SOCS5: variants seen among roughly 807,000 people sequenced by gnomAD.
The protein encoded by SOCS5 is CIS-6.
A neutral mutation model predicts 42.8 loss-of-function variants in SOCS5; 32 were observed. The ratio of observed to expected loss-of-function variants is 0.75; its 90% CI spans 0.56 to 1.01. The LOEUF is 1.01. Among genes scored for constraint, SOCS5 ranks in the 50% least tolerant of loss-of-function variants. The pLI is 0.00. For missense variants in SOCS5, 627 were observed against 653.0 expected (o/e 0.96, Z 0.43); for synonymous variants, 283 against 229.6 (o/e 1.23, Z -2.10).
chr2:46,754,701 T>C (rs1673696492), intron 1 of SOCS5, among the ~76,000 whole-genome samples: 1 of 152,182 alleles, frequency 6.6e-6, no homozygotes, highest in Non-Finnish European at 1.5e-5. Context: ...AAAATAGCAA[T>C]TTTATATGGT....
At chr2:46,753,887 A>G (rs575635630) in intron 1 of SOCS5, among the ~76,000 whole-genome samples, 20 of 152,260 alleles carry the variant, frequency 1.3e-4, no homozygotes, top group African/African-American at 4.6e-4. Context: ...ATCCTAATGC[A>G]TTATAATTAA....
chr2:46,732,459 G>T (rs1399296325), intron 1 of SOCS5, among the ~76,000 whole-genome samples: 1 of 152,186 alleles, frequency 6.6e-6, no homozygotes, highest in Non-Finnish European at 1.5e-5. Context: ...GAAGCCTGGT[G>T]TCTCCAGAAA....
chr2:46,720,134 T>C (rs924519413), intron 1 of SOCS5, among the ~76,000 whole-genome samples: 1 of 152,188 alleles, frequency 6.6e-6, no homozygotes, highest in Non-Finnish European at 1.5e-5. Flanking sequence ...AAAACTGTGA[T>C]AAAAACTTGT....
At chr2:46,741,174 G>A (rs1289164523) in intron 1 of SOCS5, among the ~76,000 whole-genome samples, 2 of 151,950 alleles carry the variant, frequency 1.3e-5, no homozygotes, top group Non-Finnish European at 2.9e-5. Flanking sequence ...CATTTCTTCT[G>A]CATTTTGCAT....
chr2:46,703,000 T>G (rs561900728), intron 1 of SOCS5, among the ~76,000 whole-genome samples: 3 of 152,346 alleles, frequency 2.0e-5, no homozygotes, highest in Admixed American at 6.5e-5. Flanking sequence ...ATCTTTGCCT[T>G]CTGTCACAAT....
intron 1 of SOCS5, among the ~76,000 whole-genome samples, chr2:46,730,323 A>G (rs999316923): frequency 1.3e-4 from 20 of 152,172 alleles, no homozygotes; most frequent in African/African-American, 4.6e-4. Flanking sequence ...TAGGTTGGCC[A>G]GGCATGGTGG....
chr2:46,726,386 T>C (rs1318120956), intron 1 of SOCS5, among the ~76,000 whole-genome samples: 3 of 152,192 alleles, frequency 2.0e-5, no homozygotes, highest in Non-Finnish European at 4.4e-5. Context: ...CATGAGCCAC[T>C]GTGCCTGGCC....
At chr2:46,749,754 A>G (rs1426158263) in intron 1 of SOCS5, among the ~76,000 whole-genome samples, 1 of 152,136 alleles carries the variant, frequency 6.6e-6, no homozygotes, top group East Asian at 1.9e-4. Context: ...TGAGCTGTAG[A>G]GTCAATGGCT....
intron 1 of SOCS5, among the ~76,000 whole-genome samples, chr2:46,747,216 A>C (rs1673521481): frequency 6.6e-6 from 1 of 152,016 alleles, no homozygotes; most frequent in South Asian, 2.1e-4. Flanking sequence ...ACAGTTGTTC[A>C]TAGTGGTCTC....
chr2:46,741,428 A>G (rs993696778), intron 1 of SOCS5, among the ~76,000 whole-genome samples: 3 of 152,142 alleles, frequency 2.0e-5, no homozygotes, highest in Non-Finnish European at 4.4e-5. Flanking sequence ...TACAAATCCC[A>G]AAGTGTTGGG....
chr2:46,734,470 G>T (rs1673197967), intron 1 of SOCS5, among the ~76,000 whole-genome samples: 1 of 152,124 alleles, frequency 6.6e-6, no homozygotes, highest in Admixed American at 6.5e-5. Context: ...GATGGTTACA[G>T]TTATACAATA....
intron 1 of SOCS5, among the ~76,000 whole-genome samples, chr2:46,737,003 G>T (rs1275137535): frequency 6.6e-6 from 1 of 152,138 alleles, no homozygotes; most frequent in Non-Finnish European, 1.5e-5. Context: ...ATTTAGGGAT[G>T]CTCAACCTGT....
chr2:46,738,035 T>TAA (rs1271931173), intron 1 of SOCS5, among the ~76,000 whole-genome samples: 2 of 152,212 alleles, frequency 1.3e-5, no homozygotes, highest in East Asian at 3.8e-4. Context: ...TAAACCCTTT[T>TAA]AGAGAAATCA....
intron 1 of SOCS5, among the ~76,000 whole-genome samples, chr2:46,711,651 G>A (rs1291543987): frequency 2.0e-5 from 3 of 152,070 alleles, no homozygotes; most frequent in South Asian, 4.1e-4. Context: ...TTCCTCTTAT[G>A]CTAGTGTTTT....
chr2:46,754,932 A>G (rs1191730803), intron 1 of SOCS5, among the ~76,000 whole-genome samples: 1 of 152,200 alleles, frequency 6.6e-6, no homozygotes, highest in Non-Finnish European at 1.5e-5. Flanking sequence ...TTTTCTAAAA[A>G]TTATTGAAAT....
At position 46,746,922 on chromosome 2, in the gene SOCS5, CTTTTTT is replaced by C. The variant is rs11373537; in HGVS notation, c.-12-11581_-12-11576del. 9.0e-4 allele frequency among the ~76,000 whole-genome samples: 64 copies of C among 70,792 alleles called. 1 individual carries two copies. The highest frequency in any genetic ancestry group is 1.3e-3 in the Non-Finnish European group (45 of 35,384). The allele number at this position is 70,792 out of a possible 152,430, so 46.4% of individuals were successfully genotyped here. A position where few individuals can be genotyped will look rare whatever the true frequency, so the allele number is the denominator to read the frequency against. ...TTTTCCAATTTGCATGACTTTATTT[CTTTTTT>C]TTTTTTTTTTTTTTTGCCTTATTGA... On this transcript the variant is annotated intron_variant, in intron 1 of 1. Coordinates refer to ENST00000394861, the MANE Select transcript of SOCS5 (RefSeq NM_144949.3).
chr2:46,703,053 G>A (rs868576585), intron 1 of SOCS5, among the ~76,000 whole-genome samples: 2 of 152,222 alleles, frequency 1.3e-5, no homozygotes, highest in East Asian at 1.9e-4. Context: ...ATTTTAATGA[G>A]TATGTTTTAA....
At chr2:46,738,633 C>G (rs180818980) in intron 1 of SOCS5, among the ~76,000 whole-genome samples, 4 of 152,138 alleles carry the variant, frequency 2.6e-5, no homozygotes, top group Non-Finnish European at 4.4e-5. Flanking sequence ...TTCCCATACA[C>G]ATCCAGTTGT....
chr2:46,717,878 C>T (rs1014178434), intron 1 of SOCS5, among the ~76,000 whole-genome samples: 2 of 152,180 alleles, frequency 1.3e-5, no homozygotes, highest in African/African-American at 2.4e-5. Context: ...TGTTTAGTTG[C>T]TCTTTCCCTA....
Sources: allele counts gnomAD v4.1 joint callset (sites outside exome capture counted in the v4.1 genomes callset), GRCh38; gene constraint gnomAD v4.1.1; transcripts MANE v1.5; gene names NCBI Gene and HGNC (gene_info 2026-07-23, HGNC 2026-07-21).